The following RNF216 variants were observed in gnomAD, a reference collection of about 807,000 sequenced individuals.
RNF216 encodes E3 ubiquitin-protein ligase RNF216.
RNF216 carries 72 observed loss-of-function variants against 110.8 expected under a neutral mutation model. The observed-to-expected ratio is 0.65, with a 90% CI of 0.54 to 0.79. The LOEUF is 0.79. RNF216 is among the 30% of genes least tolerant of loss of function. The pLI is 0.00. For missense variants in RNF216, 1,342 were observed against 1,141.2 expected (o/e 1.18, Z -2.54); for synonymous variants, 495 against 407.5 (o/e 1.21, Z -2.59).
At chr7:5,648,182 C>A (rs1294602041) in intron 14 of RNF216, among the ~76,000 whole-genome samples, 1 of 151,700 alleles carries the variant, frequency 6.6e-6, no homozygotes, top group African/African-American at 2.4e-5. Context: ...TCTCGGCTCA[C>A]CATAACCTCT....
intron 1 of RNF216, among the ~76,000 whole-genome samples, chr7:5,773,000 G>C (rs771124499): frequency 2.0e-5 from 3 of 151,120 alleles, no homozygotes; most frequent in Non-Finnish European, 3.0e-5. Flanking sequence ...GGCTAGTCTC[G>C]AACTACTGAC....
At chr7:5,729,145 G>T (rs1793934607) in intron 7 of RNF216, among the ~76,000 whole-genome samples, 1 of 152,182 alleles carries the variant, frequency 6.6e-6, no homozygotes, top group South Asian at 2.1e-4. Context: ...AAATCAGGAA[G>T]GAGCAGCATT....
chr7:5,676,858 C>T (rs1054381909), intron 13 of RNF216, among the ~76,000 whole-genome samples: 2 of 152,214 alleles, frequency 1.3e-5, no homozygotes, highest in Non-Finnish European at 2.9e-5. Context: ...TCAAGGCTGG[C>T]CCTGGGTCTA....
intron 14 of RNF216, among the ~76,000 whole-genome samples, chr7:5,650,896 G>A (rs1788346034): frequency 6.6e-6 from 1 of 152,110 alleles, no homozygotes; most frequent in African/African-American, 2.4e-5. Context: ...TTGGGAAACT[G>A]CCCAAATTGC....
intron 1 of RNF216, among the ~76,000 whole-genome samples, chr7:5,771,417 A>C (rs1796488094): frequency 6.6e-6 from 1 of 152,226 alleles, no homozygotes. Flanking sequence ...ATTAAAATTA[A>C]GCATGTCTAC....
intron 13 of RNF216, among the ~76,000 whole-genome samples, chr7:5,693,192 C>G (rs986853154): frequency 6.6e-6 from 1 of 152,242 alleles, no homozygotes; most frequent in African/African-American, 2.4e-5. Flanking sequence ...TACTGGGACA[C>G]AGCCACATTC....
chr7:5,645,052 T>A (rs899990686), intron 14 of RNF216, among the ~76,000 whole-genome samples: 1 of 152,112 alleles, frequency 6.6e-6, no homozygotes, highest in Non-Finnish European at 1.5e-5. Flanking sequence ...CCTGATCTCG[T>A]GATCCACCTG....
At chr7:5,749,502 A>G (rs1795225122) in intron 3 of RNF216, among the ~76,000 whole-genome samples, 1 of 152,160 alleles carries the variant, frequency 6.6e-6, no homozygotes, top group East Asian at 1.9e-4. Context: ...TAGAAATCTG[A>G]TATGTCTTGG....
Position 5,622,753 on chromosome 7 carries a change from A to G in RNF216, c.*107T>C. ...GGGAAGAAAACCAGCCTACCCTTCA[A>G]GCTGACTTAGGATGCAATGGTACAG... On this transcript the variant is annotated 3_prime_UTR_variant, in exon 17 of 17. Coordinates refer to ENST00000389902, the MANE Select transcript of RNF216 (RefSeq NM_207111.4). 8.8e-6 allele frequency: 10 copies of G among 1,142,660 alleles called. No homozygotes were observed. Among genetic ancestry groups the G allele is most frequent in the Non-Finnish European group, 1.2e-5 (10 of 811,050 alleles). 70.8% of individuals were successfully genotyped at this position (1,142,660 alleles called of 1,614,324 possible). A position where few individuals can be genotyped will look rare whatever the true frequency, so the allele number is the denominator to read the frequency against.
intron 1 of RNF216, among the ~76,000 whole-genome samples, chr7:5,780,848 C>G (rs1797044645): frequency 6.6e-6 from 1 of 152,248 alleles, no homozygotes; most frequent in Admixed American, 6.5e-5. Context: ...AACCCGCACG[C>G]CGCGCACGCT....
chr7:5,779,341 G>T (rs976712406), intron 1 of RNF216, among the ~76,000 whole-genome samples: 3 of 152,042 alleles, frequency 2.0e-5, no homozygotes, highest in African/African-American at 7.2e-5. Context: ...CTCGAATGAG[G>T]TTTGCCAGGG....
chr7:5,750,926 C>A (rs1315680555), intron 3 of RNF216, among the ~76,000 whole-genome samples: 1 of 6,394 alleles, frequency 1.6e-4, no homozygotes, highest in Non-Finnish European at 4.0e-4. Context: ...CAGTTGATGG[C>A]GCTTCTTGCT....
At chr7:5,768,901 T>C (rs1028054688) in intron 1 of RNF216, among the ~76,000 whole-genome samples, 2 of 151,788 alleles carry the variant, frequency 1.3e-5, no homozygotes, top group South Asian at 4.2e-4. Context: ...GACCTCGTGA[T>C]CCACCCGCCT....
chr7:5,688,958 C>T (rs982269432), intron 13 of RNF216, among the ~76,000 whole-genome samples: 2 of 152,134 alleles, frequency 1.3e-5, no homozygotes, highest in African/African-American at 4.8e-5. Context: ...GAAAAATATT[C>T]ACAAAACTAG....
chr7:5,653,600 CA>C (rs34530431), intron 13 of RNF216, among the ~76,000 whole-genome samples: 6,317 of 50,186 alleles, frequency 0.13, 49 homozygotes, highest in Admixed American at 0.23. Flanking sequence ...GACTCTGTCT[CA>C]AAAAAAAAAA....
At chr7:5,694,379 A>G (rs1791504457) in intron 13 of RNF216, among the ~76,000 whole-genome samples, 1 of 152,358 alleles carries the variant, frequency 6.6e-6, no homozygotes, top group South Asian at 2.1e-4. Context: ...TTCAGATCCA[A>G]TGAGCTCAGA....
chr7:5,652,268 AG>A, intron 14 of RNF216, 144 bp downstream of exon 14: 2 of 603,930 alleles, frequency 3.3e-6, no homozygotes, highest in South Asian at 1.9e-5. Context: ...CAGAGGCTCA[AG>A]GGTTAGATTA....
At chr7:5,703,540 T>A (rs1297616287) in intron 13 of RNF216, among the ~76,000 whole-genome samples, 2 of 152,226 alleles carry the variant, frequency 1.3e-5, no homozygotes, top group Admixed American at 1.3e-4. Flanking sequence ...TGGTTGTACT[T>A]CACGGCTGTA....
chr7:5,768,385 A>ACACACACACACACACACACACACACG (rs1796318971), intron 1 of RNF216, among the ~76,000 whole-genome samples: 1 of 150,904 alleles, frequency 6.6e-6, no homozygotes, highest in Non-Finnish European at 1.5e-5. Flanking sequence ...ACACACACAC[A>ACACACACACACACACACACACACACG]CACACACAGC....
Sources: gnomAD v4.1 joint callset for allele counts (sites outside exome capture counted in the v4.1 genomes callset) on GRCh38, gnomAD v4.1.1 for gene constraint, MANE v1.5 for transcripts, NCBI Gene and HGNC (gene_info 2026-07-23, HGNC 2026-07-21) for gene names.